Variants in QTGAL observed in about 807,000 individuals in gnomAD.
The protein encoded by QTGAL is BGnT-like protein 1.
the QTGAL span, among the ~76,000 whole-genome samples, chr17:82,980,148 G>T: frequency 1.3e-5 from 2 of 152,154 alleles, no homozygotes; most frequent in Non-Finnish European, 2.9e-5. Flanking sequence ...CTAGGGTTAG[G>T]TGAAGTAGTC....
At chr17:82,982,694 C>T in the QTGAL span, among the ~76,000 whole-genome samples, 126 of 152,290 alleles carry the variant, frequency 8.3e-4, no homozygotes, top group South Asian at 5.8e-3. Flanking sequence ...TATTTTTGTC[C>T]TAGCAGCCTG....
the QTGAL span, among the ~76,000 whole-genome samples, chr17:82,970,645 C>CGTGACCTCCGCACAT: frequency 1.5e-5 from 1 of 68,400 alleles, no homozygotes; most frequent in African/African-American, 5.1e-5. Context: ...CCTCCGCACC[C>CGTGACCTCCGCACAT]GGTGTGGCCG....
the QTGAL span, among the ~76,000 whole-genome samples, chr17:82,962,847 C>T: frequency 6.6e-6 from 1 of 152,130 alleles, no homozygotes; most frequent in South Asian, 2.1e-4. Flanking sequence ...AGTCAACAGC[C>T]GCTCCCGGGT....
chr17:83,004,813 G>C, the QTGAL span, among the ~76,000 whole-genome samples: 1 of 151,986 alleles, frequency 6.6e-6, no homozygotes, highest in African/African-American at 2.4e-5. Flanking sequence ...TCTGCGGTCT[G>C]CGTGTGGGAT....
At chr17:83,033,794 T>C in the QTGAL span, among the ~76,000 whole-genome samples, 1 of 151,704 alleles carries the variant, frequency 6.6e-6, no homozygotes, top group Non-Finnish European at 1.5e-5. Context: ...TTTTTAAAAG[T>C]GTTATTAGTT....
the QTGAL span, among the ~76,000 whole-genome samples, chr17:83,004,841 C>T: frequency 7.9e-5 from 12 of 152,206 alleles, no homozygotes; most frequent in East Asian, 1.9e-3. Context: ...CTCACCCTCC[C>T]GCCCTCCGCG....
chr17:83,036,406 T>A, the QTGAL span, among the ~76,000 whole-genome samples: 1 of 152,236 alleles, frequency 6.6e-6, no homozygotes, highest in Non-Finnish European at 1.5e-5. Context: ...GGGGCTGCGA[T>A]CTTCTGTTCT....
At chr17:82,971,477 C>T in the QTGAL span, among the ~76,000 whole-genome samples, 6 of 152,144 alleles carry the variant, frequency 3.9e-5, no homozygotes, top group East Asian at 3.9e-4. Flanking sequence ...AGCCACGCGC[C>T]GTCTCCTCCC....
chr17:83,001,549 C>T, the QTGAL span, among the ~76,000 whole-genome samples: 5,029 of 123,186 alleles, frequency 0.041, 95 homozygotes, highest in Middle Eastern at 0.11. Context: ...ACTCCATTTA[C>T]GTAAAATTCC....
the QTGAL span, among the ~76,000 whole-genome samples, chr17:83,051,533 C>G: frequency 6.6e-6 from 1 of 152,186 alleles, no homozygotes; most frequent in South Asian, 2.1e-4. Flanking sequence ...CCGCGCCCCG[C>G]GGGCTCCAAT....
At chr17:83,006,181 A>G in the QTGAL span, 10 of 986,042 alleles carry the variant, frequency 1.0e-5, no homozygotes, top group South Asian at 4.2e-4. This position sits in a 1 kb window ranked among gnomAD's most constrained non-coding sequence, Gnocchi z 5.8. Flanking sequence ...GTGAAAATGT[A>G]ACTGTGGTCC....
the QTGAL span, among the ~76,000 whole-genome samples, chr17:83,040,814 C>A: frequency 6.6e-6 from 1 of 152,004 alleles, no homozygotes; most frequent in Non-Finnish European, 1.5e-5. Flanking sequence ...GCCTGTAATC[C>A]CAGCACTTTG....
the QTGAL span, chr17:83,007,236 C>T: frequency 1.0e-6 from 1 of 985,416 alleles, no homozygotes. Context: ...AAAGCACATG[C>T]TAAAAATAGT....
the QTGAL span, among the ~76,000 whole-genome samples, chr17:82,964,405 G>A: frequency 6.6e-6 from 1 of 152,088 alleles, no homozygotes; most frequent in South Asian, 2.1e-4. Flanking sequence ...AGTGAAAAGG[G>A]TTAGAAAGAC....
chr17:82,943,777 A>C, the QTGAL span: 1 of 152,184 alleles, frequency 6.6e-6, no homozygotes, highest in African/African-American at 2.4e-5. Flanking sequence ...ACCCTAAAAG[A>C]GCCTTGGGTT....
chr17:82,995,452 G>C, the QTGAL span, among the ~76,000 whole-genome samples: 1 of 149,110 alleles, frequency 6.7e-6, no homozygotes, highest in Non-Finnish European at 1.5e-5. Context: ...GCATGATCTT[G>C]GCTCACTGCA....
chr17:82,999,968 G>A, the QTGAL span, among the ~76,000 whole-genome samples: 1 of 152,070 alleles, frequency 6.6e-6, no homozygotes. Context: ...TTTTTGTTTT[G>A]TTTTGTTTTT....
At chr17:83,042,381 A>G in the QTGAL span, among the ~76,000 whole-genome samples, 2 of 150,876 alleles carry the variant, frequency 1.3e-5, no homozygotes, top group Admixed American at 6.6e-5. Flanking sequence ...TGCCACACAC[A>G]CACCAGGAAA....
the QTGAL span, among the ~76,000 whole-genome samples, chr17:83,050,352 G>A: frequency 1.3e-5 from 2 of 151,694 alleles, no homozygotes; most frequent in African/African-American, 2.4e-5. Context: ...CCTGGGCAAC[G>A]AGTGTGAAAC....
Sources: gnomAD v4.1 joint callset for allele counts (sites outside exome capture counted in the v4.1 genomes callset) on GRCh38, gnomAD v4.1.1 for gene constraint, Gnocchi (gnomAD v3.1) non-coding constraint, MANE v1.5 for transcripts, NCBI Gene and HGNC (gene_info 2026-07-23, HGNC 2026-07-21) for gene names.